CAST: variants seen among roughly 807,000 people sequenced by gnomAD.
The protein encoded by CAST is MIR583 host.
In CAST, 76 loss-of-function variants were observed where a neutral mutation model predicts 119.6. That is an observed-to-expected ratio of 0.64 (90% confidence interval 0.53 to 0.77). The LOEUF (loss-of-function observed/expected upper bound fraction) is 0.77. CAST is among the 30% of genes least tolerant of loss of function. The pLI, the probability that CAST is intolerant of heterozygous loss-of-function variation, is 0.00. For synonymous variants in CAST, 319 were observed against 331.6 expected (o/e 0.96, Z 0.41); for missense variants, 953 against 946.5 (o/e 1.01, Z -0.09).
chr5:95,996,021 G>A, the CAST span, among the ~76,000 whole-genome samples: 1 of 152,234 alleles, frequency 6.6e-6, no homozygotes, highest in South Asian at 2.1e-4. Context: ...TATTTTCACA[G>A]TTCCCTGCAT....
the CAST span, among the ~76,000 whole-genome samples, chr5:95,991,117 A>G: frequency 6.6e-6 from 1 of 152,216 alleles, no homozygotes; most frequent in Non-Finnish European, 1.5e-5. Context: ...GCTGCACAGA[A>G]AGATGCCCAC....
chr5:96,722,673 C>T lies in CAST; in HGVS notation c.245C>T (p.Ser82Phe), dbSNP rs757415665. 30 of 1,613,086 alleles carry T rather than the reference C, an allele frequency of 1.9e-5. No homozygotes were observed. In the East Asian group the frequency reaches 3.6e-4, roughly 19 times the overall value. Residue 82 changes from serine to phenylalanine, a missense_variant, in exon 4 of 32, where the codon TCC (serine) becomes TTC (phenylalanine). Ser to Phe is a radical substitution (Grantham distance 155). Coordinates refer to ENST00000675179, the MANE Select transcript of CAST (RefSeq NM_001750.7). ...TCCTCTGGTGCAACCAGCAAGTCTTCCAGTATGAATCCCACAGAAACCAAG... is the reference window on the plus strand; with the variant it reads ...TCCTCTGGTGCAACCAGCAAGTCTTTCAGTATGAATCCCACAGAAACCAAG... ...SASSGATSKS[S>F]SMNPTETKAI...
the CAST span, among the ~76,000 whole-genome samples, chr5:96,225,816 T>C: frequency 1.3e-5 from 2 of 152,188 alleles, no homozygotes; most frequent in East Asian, 3.8e-4. Flanking sequence ...CCAAACACTT[T>C]ATTCTTGGAG....
the CAST span, among the ~76,000 whole-genome samples, chr5:96,514,509 AC>A: frequency 1.2e-4 from 18 of 152,348 alleles, no homozygotes; most frequent in Non-Finnish European, 2.6e-4. Context: ...GTATTCTATT[AC>A]TAGAGAGAGA....
At chr5:96,602,900 A>C (rs1343368575) in intron 1 of CAST, among the ~76,000 whole-genome samples, 1 of 152,226 alleles carries the variant, frequency 6.6e-6, no homozygotes, top group Non-Finnish European at 1.5e-5. Context: ...AGCTAGAATA[A>C]GTCATTCCAG....
At chr5:96,349,137 C>CTTTTTTTTTTTTT in the CAST span, among the ~76,000 whole-genome samples, 6 of 31,312 alleles carry the variant, frequency 1.9e-4, no homozygotes, top group African/African-American at 7.2e-4. Flanking sequence ...AACAAGGACA[C>CTTTTTTTTTTTTT]TATTTTTTTT....
the CAST span, among the ~76,000 whole-genome samples, chr5:96,196,641 A>G: frequency 6.6e-6 from 1 of 152,202 alleles, no homozygotes; most frequent in African/African-American, 2.4e-5. Context: ...GGCAGGAACC[A>G]GCTGGGGAAT....
At chr5:96,441,094 T>C in the CAST span, among the ~76,000 whole-genome samples, 2 of 152,254 alleles carry the variant, frequency 1.3e-5, no homozygotes, top group Non-Finnish European at 1.5e-5. Flanking sequence ...GAAGTTATTA[T>C]ACATAACATA....
chr5:96,082,795 T>A, the CAST span, among the ~76,000 whole-genome samples: 2 of 152,252 alleles, frequency 1.3e-5, no homozygotes, highest in Non-Finnish European at 1.5e-5. Context: ...AGAGCTTTTT[T>A]AAAAAGAAAT....
chr5:96,524,058 C>A (rs776771437), upstream of CAST, among the ~76,000 whole-genome samples: 3 of 152,186 alleles, frequency 2.0e-5, no homozygotes, highest in Admixed American at 1.3e-4. Flanking sequence ...TTTTGTCCTG[C>A]CTTTCTATGG....
the CAST span, among the ~76,000 whole-genome samples, chr5:96,476,414 G>A: frequency 2.0e-5 from 3 of 152,202 alleles, no homozygotes; most frequent in Middle Eastern, 3.4e-3. Context: ...ATGATGCCAA[G>A]TTCACCTCTT....
the CAST span, among the ~76,000 whole-genome samples, chr5:96,226,390 C>A: frequency 6.6e-6 from 1 of 152,140 alleles, no homozygotes; most frequent in African/African-American, 2.4e-5. Context: ...GTGGGTTATG[C>A]CTGTAATCCC....
the CAST span, among the ~76,000 whole-genome samples, chr5:96,508,918 CTA>C: frequency 2.6e-5 from 4 of 152,212 alleles, no homozygotes; most frequent in African/African-American, 9.7e-5. Context: ...CTTATCCAAT[CTA>C]TGTCTCACTT....
At chr5:96,765,004 C>G (rs1749524676) in intron 25 of CAST, among the ~76,000 whole-genome samples, 1 of 152,010 alleles carries the variant, frequency 6.6e-6, no homozygotes, top group Admixed American at 6.6e-5. Context: ...TGCTGGCCCT[C>G]CAACCCCAGT....
chr5:96,738,184 T>A (rs1291229160), intron 11 of CAST, among the ~76,000 whole-genome samples: 1 of 152,088 alleles, frequency 6.6e-6, no homozygotes, highest in Non-Finnish European at 1.5e-5. Context: ...TAGCTGGGCA[T>A]GGTGGTACAC....
At chr5:96,008,604 T>C in the CAST span, among the ~76,000 whole-genome samples, 4 of 152,200 alleles carry the variant, frequency 2.6e-5, no homozygotes. Flanking sequence ...GTTTCAGGGA[T>C]GAACATGCTA....
At chr5:96,368,827 A>G in the CAST span, among the ~76,000 whole-genome samples, 1 of 152,090 alleles carries the variant, frequency 6.6e-6, no homozygotes, top group Non-Finnish European at 1.5e-5. Flanking sequence ...TCTAAAAATA[A>G]TTTCCTTCTA....
At chr5:96,129,940 T>TTGTTGAAATCGGTATGCCAA in the CAST span, among the ~76,000 whole-genome samples, 1 of 152,036 alleles carries the variant, frequency 6.6e-6, no homozygotes. Context: ...TAATTGTACT[T>TTGTTGAAATCGGTATGCCAA]TGTTGAAATC....
At chr5:96,363,646 TG>T in the CAST span, among the ~76,000 whole-genome samples, 44 of 152,210 alleles carry the variant, frequency 2.9e-4, 1 homozygote, top group Admixed American at 2.9e-3. Context: ...TGTCTGTTAT[TG>T]GTGTATAAGA....
Sources: gnomAD v4.1 joint callset for allele counts (sites outside exome capture counted in the v4.1 genomes callset) on GRCh38, gnomAD v4.1.1 for gene constraint, MANE v1.5 for transcripts, NCBI Gene and HGNC (gene_info 2026-07-23, HGNC 2026-07-21) for gene names.